The following CPED1 variants were observed in gnomAD, a reference collection of about 807,000 sequenced individuals.
CPED1 encodes the protein cadherin-like and PC-esterase domain-containing protein 1.
Under a neutral mutation model 128.2 loss-of-function variants are expected in CPED1, and 114 were observed. The observed-to-expected ratio is 0.89, with a 90% confidence interval of 0.76 to 1.04. The LOEUF is 1.04. CPED1 is among the 50% of genes least tolerant of loss of function. The pLI, the probability that CPED1 is intolerant of heterozygous loss-of-function variation, is 0.00. For synonymous variants in CPED1, 462 were observed against 426.7 expected, an observed-to-expected ratio of 1.08 and a Z score of -1.02; for missense variants, 1,211 against 1,207.1, an observed-to-expected ratio of 1.00 and a Z score of -0.05.
intron 18 of CPED1, among the ~76,000 whole-genome samples, chr7:121,248,857 A>C (rs531814869): frequency 6.6e-6 from 1 of 152,336 alleles, no homozygotes; most frequent in East Asian, 1.9e-4. Flanking sequence ...AATGATAGAC[A>C]TAGAATTCAG....
At position 121,074,509 on chromosome 7, in the gene CPED1, G is replaced by GTTTTTTTTTTTTT. The variant is rs1157885862; in HGVS notation, c.616+10202_616+10214dup. On this transcript the variant is annotated intron_variant, in intron 5 of 22. Transcript: ENST00000310396. ...TTCCTTACTAATAAATTTCCTTTGTGTTTTTTTTTTTTTTTTTTGAGGGCA... is the reference window on the plus strand; with the variant it reads ...TTCCTTACTAATAAATTTCCTTTGTGTTTTTTTTTTTTTTTTTTTTTTTTTTTTTTTGAGGGCA... 4.8e-3 allele frequency among the ~76,000 whole-genome samples: 389 copies of GTTTTTTTTTTTTT among 80,812 alleles called. 51 individuals are homozygous for GTTTTTTTTTTTTT. Among genetic ancestry groups the GTTTTTTTTTTTTT allele is most frequent in the Admixed American group, 0.01 (51 of 5,052 alleles). The allele number at this position is 80,812 out of a possible 152,430, so 53.0% of individuals were successfully genotyped here. A position where few individuals can be genotyped will look rare whatever the true frequency, so the allele number is the denominator to read the frequency against.
At chr7:121,163,401 CA>C (rs1375047724) in intron 16 of CPED1, among the ~76,000 whole-genome samples, 1 of 152,162 alleles carries the variant, frequency 6.6e-6, no homozygotes. Flanking sequence ...ACTATAGAAG[CA>C]GAAAATGGAC....
chr7:121,038,928 A>G (rs1206054974), intron 3 of CPED1, among the ~76,000 whole-genome samples: 1 of 152,066 alleles, frequency 6.6e-6, no homozygotes, highest in Non-Finnish European at 1.5e-5. Context: ...TGTACTACCC[A>G]CATGACTTAG....
At position 121,296,143 on chromosome 7, in the gene CPED1, C is replaced by T. The variant is rs1404558441; in HGVS notation, c.*491C>T. ...AATGTGATGTTTATGATGGCTTAGG[C>T]TTTGTGAATCTAATGCTTATGAAAA... is the stretch of plus-strand genomic sequence containing the variant. On this transcript the variant is annotated 3_prime_UTR_variant, in exon 23 of 23. Coordinates refer to ENST00000310396, the MANE Select transcript of CPED1 (RefSeq NM_024913.5). The T allele has an allele frequency of 6.5e-6, 1 of 152,800 alleles. No homozygotes were observed. Among genetic ancestry groups the T allele is most frequent in the Non-Finnish European group, 1.5e-5 (1 of 68,258 alleles). The allele number at this position is 152,800 out of a possible 1,614,324, so 9.5% of individuals were successfully genotyped here.
intron 16 of CPED1, among the ~76,000 whole-genome samples, chr7:121,189,300 T>C (rs559148587): frequency 4.9e-4 from 75 of 152,192 alleles, no homozygotes; most frequent in African/African-American, 1.7e-3. Flanking sequence ...AAAAGAGGTT[T>C]AATTGACTGA....
intron 14 of CPED1, among the ~76,000 whole-genome samples, chr7:121,137,172 T>G (rs1795802716): frequency 1.3e-5 from 2 of 151,456 alleles, no homozygotes; most frequent in Admixed American, 1.3e-4. Context: ...ATTTATTATA[T>G]TATTTATTTA....
At chr7:121,242,752 C>T (rs747682335) in intron 17 of CPED1, among the ~76,000 whole-genome samples, 8 of 152,084 alleles carry the variant, frequency 5.3e-5, no homozygotes, top group Non-Finnish European at 1.0e-4. Flanking sequence ...TTGTACCCCT[C>T]AAAGTTATTG....
In CPED1 at chr7:121,280,166, A is replaced by G. The variant is rs1283444742; in HGVS notation, c.2868+8736A>G. Among the ~76,000 whole-genome samples the G allele has an allele frequency of 3.3e-5, 5 of 152,188 alleles. No homozygotes were observed. In the East Asian group the frequency reaches 9.6e-4, roughly 29 times the overall value. ...CGTCCAATAGATTCCAAGACCCAAG[A>G]TGCACATCTAAATAGAGCAAAAGAG... On this transcript the variant is annotated intron_variant, in intron 22 of 22. Coordinates refer to ENST00000310396, the MANE Select transcript of CPED1 (RefSeq NM_024913.5).
intron 7 of CPED1, among the ~76,000 whole-genome samples, chr7:121,105,491 C>G (rs775861621): frequency 6.6e-6 from 1 of 152,022 alleles, no homozygotes; most frequent in African/African-American, 2.4e-5. Flanking sequence ...TCGCTAGGCC[C>G]GGGAGATTTA....
In CPED1 at chr7:121,266,381, C is replaced by T; in HGVS notation, c.2465C>T (p.Pro822Leu). 2 of 1,613,144 alleles carry T rather than the reference C, an allele frequency of 1.2e-6. No homozygotes were observed. Among genetic ancestry groups the T allele is most frequent in the Non-Finnish European group, 1.7e-6 (2 of 1,179,442 alleles). Residue 822 changes from proline (P) to leucine (L), a missense_variant, in exon 19 of 23, where the codon CCC becomes CTC. Physicochemically the swap from Pro to Leu is moderately conservative, Grantham distance 98. Coordinates refer to ENST00000310396, the MANE Select transcript of CPED1 (RefSeq NM_024913.5). ...GKTLISYSYY[P>L]QFWISPSLRP... ...ACTTTGATCAGTTATTCCTACTATC[C>T]CCAGTTCTGGATAAGCCCTTCATTG... is the stretch of plus-strand genomic sequence containing the variant.
chr7:121,228,643 G>C (rs903740330), intron 16 of CPED1, among the ~76,000 whole-genome samples: 1 of 150,154 alleles, frequency 6.7e-6, no homozygotes, highest in Non-Finnish European at 1.5e-5. Flanking sequence ...TCCACTACTG[G>C]GTATCTAACC....
intron 7 of CPED1, among the ~76,000 whole-genome samples, chr7:121,117,924 CA>C (rs34781215): frequency 0.88 from 127,937 of 145,700 alleles, 56,003 homozygotes; most frequent in Middle Eastern, 0.98. Flanking sequence ...AAACATTTGC[CA>C]AAAAAAAAAA....
chr7:121,287,952 A>T (rs1249104201), intron 22 of CPED1, among the ~76,000 whole-genome samples: 1 of 152,208 alleles, frequency 6.6e-6, no homozygotes, highest in East Asian at 1.9e-4. Context: ...TACAATTTTC[A>T]AATGTTAACT....
intron 16 of CPED1, among the ~76,000 whole-genome samples, chr7:121,166,061 C>T (rs1032366685): frequency 1.3e-5 from 2 of 152,018 alleles, no homozygotes; most frequent in African/African-American, 4.8e-5. Context: ...CACATTAGAA[C>T]GCTAATTATG....
At chr7:121,202,005 T>G (rs960597999) in intron 16 of CPED1, among the ~76,000 whole-genome samples, 1 of 152,106 alleles carries the variant, frequency 6.6e-6, no homozygotes, top group Non-Finnish European at 1.5e-5. Context: ...GCCATAATTG[T>G]AGTGAGAGAC....
At chr7:121,202,497 C>A (rs1191733344) in intron 16 of CPED1, among the ~76,000 whole-genome samples, 2 of 152,182 alleles carry the variant, frequency 1.3e-5, no homozygotes, top group Admixed American at 1.3e-4. Flanking sequence ...ATTGTGATCA[C>A]CATTAGGTCA....
intron 16 of CPED1, among the ~76,000 whole-genome samples, chr7:121,188,782 A>C (rs1458854214): frequency 6.6e-6 from 1 of 152,142 alleles, no homozygotes; most frequent in Non-Finnish European, 1.5e-5. Context: ...AATAGAGTTA[A>C]GATGGGGACA....
intron 3 of CPED1, among the ~76,000 whole-genome samples, chr7:121,028,683 A>G (rs10258610): frequency 0.026 from 4,024 of 152,270 alleles, 194 homozygotes; most frequent in African/African-American, 0.091. Flanking sequence ...GATACTGTGG[A>G]AAAAACATTG....
intron 16 of CPED1, among the ~76,000 whole-genome samples, chr7:121,183,153 G>A (rs1796934600): frequency 6.6e-6 from 1 of 152,060 alleles, no homozygotes; most frequent in Non-Finnish European, 1.5e-5. Context: ...TAAACTCTTT[G>A]AGCCTAGAAA....
Sources: gnomAD v4.1 joint callset for allele counts (sites outside exome capture counted in the v4.1 genomes callset) on GRCh38, gnomAD v4.1.1 for gene constraint, MANE v1.5 for transcripts, NCBI Gene and HGNC (gene_info 2026-07-23, HGNC 2026-07-21) for gene names.